Variants in WWOX observed in about 807,000 individuals in gnomAD.
WWOX encodes the protein WW domain containing oxidoreductase.
In WWOX, 69 loss-of-function variants were observed where a neutral mutation model predicts 46.2. That is an observed-to-expected ratio of 1.49 (90% CI 1.23 to 1.82). WWOX has a LOEUF of 1.82. WWOX is among the 40% of genes most tolerant of loss of function. WWOX has a pLI of 0.00. For missense variants in WWOX, 919 were observed against 542.6 expected (o/e 1.69, Z -6.89); for synonymous variants, 359 against 202.6 (o/e 1.77, Z -6.56).
chr16:78,365,768 G>A (rs545826083), intron 5 of WWOX, among the ~76,000 whole-genome samples: 10 of 152,192 alleles, frequency 6.6e-5, no homozygotes, highest in African/African-American at 2.4e-4. Flanking sequence ...TTTTGTGTGT[G>A]CTTCTGCGTG....
intron 5 of WWOX, among the ~76,000 whole-genome samples, chr16:78,349,879 G>A (rs2081155418): frequency 8.3e-6 from 1 of 120,630 alleles, no homozygotes; most frequent in South Asian, 2.5e-4. Context: ...TTTTGACTCA[G>A]TCTCATTCCC....
intron 8 of WWOX, among the ~76,000 whole-genome samples, chr16:78,485,157 A>G (rs2084600725): frequency 1.3e-5 from 2 of 152,142 alleles, no homozygotes; most frequent in South Asian, 4.1e-4. Context: ...AAAAAAATTA[A>G]TAAAGTTTAT....
chr16:78,542,506 A>T (rs372146521), intron 8 of WWOX, among the ~76,000 whole-genome samples: 1 of 152,098 alleles, frequency 6.6e-6, no homozygotes, highest in South Asian at 2.1e-4. Context: ...AGCAAACCAC[A>T]TTGCTTACTA....
intron 8 of WWOX, among the ~76,000 whole-genome samples, chr16:78,786,674 G>T (rs4887988): frequency 2.0e-5 from 3 of 151,938 alleles, no homozygotes; most frequent in Non-Finnish European, 4.4e-5. Flanking sequence ...TTTTGTCCCC[G>T]TAAAAGTAAC....
At chr16:78,724,084 C>T (rs931121211) in intron 8 of WWOX, among the ~76,000 whole-genome samples, 1 of 152,158 alleles carries the variant, frequency 6.6e-6, no homozygotes, top group African/African-American at 2.4e-5. Flanking sequence ...ACCTCTTTAC[C>T]TTGGCAAAAA....
intron 8 of WWOX, among the ~76,000 whole-genome samples, chr16:79,013,777 C>T (rs986396906): frequency 6.6e-6 from 1 of 152,192 alleles, no homozygotes; most frequent in Non-Finnish European, 1.5e-5. Context: ...TGTCTCATTT[C>T]TTCTTATTTT....
At chr16:78,432,121 C>CTT (rs112523358) in intron 7 of WWOX, among the ~76,000 whole-genome samples, 9 of 142,964 alleles carry the variant, frequency 6.3e-5, no homozygotes, top group East Asian at 2.1e-4. Context: ...CCTCAGATTG[C>CTT]TTTTTTTTTT....
chr16:78,691,795 G>C (rs1433431666), intron 8 of WWOX, among the ~76,000 whole-genome samples: 1 of 152,174 alleles, frequency 6.6e-6, no homozygotes, highest in Non-Finnish European at 1.5e-5. Flanking sequence ...CCAGTTTATA[G>C]GTGAGTGATA....
intron 8 of WWOX, among the ~76,000 whole-genome samples, chr16:78,966,649 T>C (rs2151318102): frequency 6.6e-6 from 1 of 152,298 alleles, no homozygotes; most frequent in South Asian, 2.1e-4. Flanking sequence ...ATTGAGCTAT[T>C]TCTTAAGATT....
At chr16:78,195,012 G>C (rs1323074933) in intron 5 of WWOX, among the ~76,000 whole-genome samples, 1 of 152,186 alleles carries the variant, frequency 6.6e-6, no homozygotes, top group Non-Finnish European at 1.5e-5. Flanking sequence ...ACGTGGCCTT[G>C]CTGACATCTG....
At position 79,165,642 on chromosome 16, in the gene WWOX, T is replaced by A. The variant is rs556046014; in HGVS notation, c.1057-45966T>A. On this transcript the variant is annotated intron_variant, in intron 8 of 8. Transcript: ENST00000566780. ...TCTCAGGACTCATTGTCCAGAAGAT[T>A]CTGCCTACAGCTGGTTTTACGCAGA... Among the ~76,000 whole-genome samples the A allele has an allele frequency of 1.8e-3, 271 of 152,280 alleles. 1 individual carries two copies. Among genetic ancestry groups the A allele is most frequent in the Non-Finnish European group, 3.6e-3 (243 of 68,028 alleles).
intron 5 of WWOX, among the ~76,000 whole-genome samples, chr16:78,358,888 C>A: frequency 2.7e-5 from 1 of 36,420 alleles, no homozygotes; most frequent in African/African-American, 8.4e-5. Flanking sequence ...TTTTTTTAAC[C>A]AGACATATAG....
rs58625986 is a variant in WWOX, at chr16:79,032,030, C to G, written c.1057-179578C>G. ...ATTAGGTAGACTCTCCTGGGACATT[C>G]TACACAGCTCCTGCCTCCTTCTGTA... On this transcript the variant is annotated intron_variant, in intron 8 of 8. Transcript: ENST00000566780. 2.5e-3 allele frequency among the ~76,000 whole-genome samples: 361 copies of G among 144,266 alleles called. 2 individuals are homozygous for G. Among genetic ancestry groups the G allele is most frequent in the African/African-American group, 8.8e-3 (349 of 39,804 alleles). 94.6% of individuals were successfully genotyped at this position (144,266 alleles called of 152,430 possible).
At chr16:78,717,718 A>G (rs925761053) in intron 8 of WWOX, among the ~76,000 whole-genome samples, 1 of 152,194 alleles carries the variant, frequency 6.6e-6, no homozygotes, top group South Asian at 2.1e-4. Context: ...TGATACTCCA[A>G]TGCCGGCTTC....
intron 8 of WWOX, among the ~76,000 whole-genome samples, chr16:78,678,405 A>G (rs2047653799): frequency 6.6e-6 from 1 of 152,202 alleles, no homozygotes; most frequent in South Asian, 2.1e-4. Context: ...TGAGTGAATA[A>G]ATGAATGAAT....
chr16:79,059,350 C>T (rs1343835095), intron 8 of WWOX, among the ~76,000 whole-genome samples: 1 of 152,154 alleles, frequency 6.6e-6, no homozygotes, highest in Non-Finnish European at 1.5e-5. Flanking sequence ...CGTCAACTAC[C>T]TGTTCTCAAA....
At chr16:78,153,227 G>A (rs767347363) in intron 4 of WWOX, among the ~76,000 whole-genome samples, 1 of 152,170 alleles carries the variant, frequency 6.6e-6, no homozygotes, top group Non-Finnish European at 1.5e-5. Context: ...TGCAGATGTG[G>A]CATTGAGCAT....
chr16:79,076,394 T>C (rs1016278912), intron 8 of WWOX, among the ~76,000 whole-genome samples: 5 of 152,226 alleles, frequency 3.3e-5, no homozygotes, highest in Non-Finnish European at 7.3e-5. Flanking sequence ...TCTCACCCTT[T>C]TCCTTCATGA....
At chr16:78,995,985 T>C (rs1307461199) in intron 8 of WWOX, among the ~76,000 whole-genome samples, 2 of 152,138 alleles carry the variant, frequency 1.3e-5, no homozygotes, top group African/African-American at 4.8e-5. Flanking sequence ...AGAGGCCAGC[T>C]TGGAGTTAAA....
Sources: allele counts gnomAD v4.1 joint callset (sites outside exome capture counted in the v4.1 genomes callset), GRCh38; gene constraint gnomAD v4.1.1; transcripts MANE v1.5; gene names NCBI Gene and HGNC (gene_info 2026-07-23, HGNC 2026-07-21).